Variants in UBE2D2 observed in about 807,000 individuals in gnomAD.
UBE2D2 encodes the protein ubiquitin conjugating enzyme E2 D2.
UBE2D2 carries 2 observed loss-of-function variants against 24.2 expected under a neutral mutation model. The observed-to-expected ratio is 0.08, with a 90% CI of 0.03 to 0.26. UBE2D2 has a LOEUF of 0.26. UBE2D2 is among the 10% of genes least tolerant of loss of function. The probability of loss-of-function intolerance (pLI) is 1.00; values close to 1 mark genes in which losing one functional copy is unlikely to be tolerated. For synonymous variants in UBE2D2, 58 were observed against 56.5 expected, an observed-to-expected ratio of 1.03 and a Z score of -0.12; for missense variants, 44 against 177.6, an observed-to-expected ratio of 0.25 and a Z score of 4.28.
chr5:139,568,738 C>T (rs534235537), intron 1 of UBE2D2, among the ~76,000 whole-genome samples: 13 of 152,176 alleles, frequency 8.5e-5, no homozygotes, highest in East Asian at 1.9e-4. Context: ...TTTGGGATGC[C>T]GAGGTGAGTG....
chr5:139,572,890 C>A (rs539405890), intron 1 of UBE2D2, among the ~76,000 whole-genome samples: 3 of 151,992 alleles, frequency 2.0e-5, no homozygotes, highest in Non-Finnish European at 4.4e-5. Context: ...GTGATCCACC[C>A]GCCTAAGCCT....
At chr5:139,553,560 A>G (rs902545741) in intron 1 of UBE2D2, among the ~76,000 whole-genome samples, 2 of 152,162 alleles carry the variant, frequency 1.3e-5, no homozygotes, top group African/African-American at 4.8e-5. Flanking sequence ...CTCCAGGAAC[A>G]TGCAGTGTGC....
At chr5:139,553,978 C>A (rs1214402547) in intron 1 of UBE2D2, among the ~76,000 whole-genome samples, 1 of 152,014 alleles carries the variant, frequency 6.6e-6, no homozygotes, top group African/African-American at 2.4e-5. Flanking sequence ...TGGGGTTTCA[C>A]CATGTTGGCC....
intron 1 of UBE2D2, among the ~76,000 whole-genome samples, chr5:139,575,660 C>T (rs187155373): frequency 6.6e-6 from 1 of 152,182 alleles, no homozygotes; most frequent in South Asian, 2.1e-4. Flanking sequence ...AACCCCACCA[C>T]CTGTAATGCA....
chr5:139,546,818 C>CTTTCTTCCTTCCTTCCTTCCTTCT (rs1257754527), intron 1 of UBE2D2, among the ~76,000 whole-genome samples: 1 of 1,342 alleles, frequency 7.5e-4, no homozygotes, highest in Non-Finnish European at 1.5e-3. Context: ...TTCTTTCTTT[C>CTTTCTTCCTTCCTTCCTTCCTTCT]TTCCTTCCTT....
intron 1 of UBE2D2, among the ~76,000 whole-genome samples, chr5:139,532,272 G>T (rs930406597): frequency 6.8e-6 from 1 of 147,868 alleles, no homozygotes; most frequent in African/African-American, 2.5e-5. Context: ...TCCACCTCCC[G>T]GGTTCAAGCA....
At chr5:139,541,370 G>C (rs1581481457) in intron 1 of UBE2D2, among the ~76,000 whole-genome samples, 1 of 150,926 alleles carries the variant, frequency 6.6e-6, no homozygotes, top group East Asian at 2.0e-4. Context: ...GGGAGGCCGA[G>C]GTGGGCGGAT....
Position 139,549,424 on chromosome 5 carries a change from G to T in UBE2D2, c.-64+22812G>T, listed in dbSNP as rs536687256. On this transcript the variant is annotated intron_variant, in intron 1 of 6. Transcript: ENST00000511725. ...AGTTCCGGGTGCGCGGGGTCTTGGC[G>T]GCCCCGCACTCCGAGCGGCCGGCTG... Among the ~76,000 whole-genome samples the T allele has an allele frequency of 8.3e-4, 126 of 152,320 alleles. 1 individual carries two copies. The highest frequency in any genetic ancestry group is 1.8e-3 in the Admixed American group (28 of 15,308).
At chr5:139,575,988 T>G (rs1753460994) in intron 1 of UBE2D2, among the ~76,000 whole-genome samples, 1 of 152,204 alleles carries the variant, frequency 6.6e-6, no homozygotes, top group Non-Finnish European at 1.5e-5. Flanking sequence ...TGCACTGCAC[T>G]CCAGCCTAGG....
intron 5 of UBE2D2, among the ~76,000 whole-genome samples, chr5:139,615,879 A>T (rs1754411197): frequency 8.2e-6 from 1 of 121,606 alleles, no homozygotes; most frequent in South Asian, 2.6e-4. Flanking sequence ...TCTGTCGCCC[A>T]GGCTAGACTG....
chr5:139,548,193 A>AAAAAAAAAAAAAAAAAT lies in UBE2D2; in HGVS notation c.-64+21584_-64+21585insAAAAAAAAAAAAATAAA. ...AAAAAAAAAAAAAAAATAAAAAAAAAAAATAAATAAATAAATAAATAAACG... is the reference window on the plus strand; with the variant it reads ...AAAAAAAAAAAAAAAATAAAAAAAAAAAAAAAAAAAAAAAAATAAATAAATAAATAAATAAATAAACG... On this transcript the variant is annotated intron_variant, in intron 1 of 6. Transcript: ENST00000511725. Among the ~76,000 whole-genome samples, 87 of 47,040 alleles carry AAAAAAAAAAAAAAAAAT rather than the reference A, an allele frequency of 1.8e-3. 4 individuals are homozygous for AAAAAAAAAAAAAAAAAT. The highest frequency in any genetic ancestry group is 2.6e-3 in the East Asian group (4 of 1,520). 30.9% of individuals were successfully genotyped at this position (47,040 alleles called of 152,430 possible).
intron 5 of UBE2D2, among the ~76,000 whole-genome samples, chr5:139,616,060 G>A (rs773764143): frequency 2.7e-5 from 4 of 150,568 alleles, no homozygotes; most frequent in Admixed American, 6.6e-5. Context: ...GGTCTCGAAC[G>A]CCTGACCTTA....
At chr5:139,592,553 G>C (rs1753866227) in intron 1 of UBE2D2, among the ~76,000 whole-genome samples, 1 of 149,614 alleles carries the variant, frequency 6.7e-6, no homozygotes, top group South Asian at 2.1e-4. Flanking sequence ...TCTCAGTTTT[G>C]AGAACTACTG....
chr5:139,626,702 G>C, intron 6 of UBE2D2, 54 bp from the exon 7 acceptor site: 2 of 1,458,216 alleles, frequency 1.4e-6, no homozygotes, highest in Non-Finnish European at 1.9e-6. Context: ...AATGGAATCT[G>C]TTGCTTACTG....
At chr5:139,556,150 C>T (rs1236388671) in intron 1 of UBE2D2, among the ~76,000 whole-genome samples, 2 of 151,858 alleles carry the variant, frequency 1.3e-5, no homozygotes, top group African/African-American at 4.8e-5. Context: ...GAAGGAAAAT[C>T]ACTTGAGCTC....
At chr5:139,611,789 C>A (rs1445405321) in intron 2 of UBE2D2, among the ~76,000 whole-genome samples, 1 of 152,070 alleles carries the variant, frequency 6.6e-6, no homozygotes, top group African/African-American at 2.4e-5. Context: ...TGCTTTACAT[C>A]CTCAATTTTA....
upstream of UBE2D2, among the ~76,000 whole-genome samples, chr5:139,560,927 A>G (rs902572487): frequency 6.6e-6 from 1 of 152,186 alleles, no homozygotes; most frequent in Non-Finnish European, 1.5e-5. Flanking sequence ...CCAGGACTTC[A>G]GAAGAGCTCT....
chr5:139,601,377 G>C (rs756190915), intron 2 of UBE2D2, among the ~76,000 whole-genome samples: 2 of 152,138 alleles, frequency 1.3e-5, no homozygotes, highest in Non-Finnish European at 2.9e-5. Flanking sequence ...ACCGAGGCAG[G>C]TGAATCAATT....
At chr5:139,573,668 C>G (rs10077827) in intron 1 of UBE2D2, among the ~76,000 whole-genome samples, 442 of 152,090 alleles carry the variant, frequency 2.9e-3, no homozygotes, top group African/African-American at 0.01. Flanking sequence ...ACTCTGCTTT[C>G]CATTTAAAAT....
Sources: allele counts gnomAD v4.1 joint callset (sites outside exome capture counted in the v4.1 genomes callset), GRCh38; gene constraint gnomAD v4.1.1; transcripts MANE v1.5; gene names NCBI Gene and HGNC (gene_info 2026-07-23, HGNC 2026-07-21).